CDK14: variants seen among roughly 807,000 people sequenced by gnomAD.
CDK14 encodes the protein cyclin dependent kinase 14.
Under a neutral mutation model 60.7 loss-of-function variants are expected in CDK14, and 34 were observed. The ratio of observed to expected loss-of-function variants is 0.56; its 90% confidence interval spans 0.43 to 0.75. CDK14 has a LOEUF of 0.75. Ranked by LOEUF, CDK14 falls within the 30% of genes least tolerant of loss-of-function variation. The pLI is 0.00. For missense variants in CDK14, 482 were observed against 564.1 expected (o/e 0.85, Z 1.47); for synonymous variants, 197 against 203.7 (o/e 0.97, Z 0.28).
intron 14 of CDK14, among the ~76,000 whole-genome samples, chr7:91,148,601 G>A (rs1156442576): frequency 1.3e-5 from 2 of 152,148 alleles, no homozygotes; most frequent in African/African-American, 4.8e-5. Context: ...GTGAGCCATA[G>A]TGTCCACTCT....
intron 2 of CDK14, among the ~76,000 whole-genome samples, chr7:90,650,694 G>A (rs1451788149): frequency 1.3e-5 from 2 of 152,128 alleles, no homozygotes; most frequent in African/African-American, 2.4e-5. Context: ...AGTTTTCCCA[G>A]CACCATTTAT....
At chr7:90,762,216 G>A (rs1416961537) in intron 4 of CDK14, among the ~76,000 whole-genome samples, 2 of 152,170 alleles carry the variant, frequency 1.3e-5, no homozygotes, top group African/African-American at 4.8e-5. Context: ...AGGCCCTGAG[G>A]TGAGAAAGAG....
intron 12 of CDK14, among the ~76,000 whole-genome samples, chr7:91,091,067 T>A (rs567025193): frequency 2.5e-4 from 38 of 151,774 alleles, no homozygotes; most frequent in Middle Eastern, 3.4e-3. Context: ...TAGGTTTGTA[T>A]CATCCTTTTT....
intron 3 of CDK14, among the ~76,000 whole-genome samples, 159 bp from the exon 4 acceptor site, chr7:90,747,522 T>A (rs1803642501): frequency 6.6e-6 from 1 of 152,218 alleles, no homozygotes; most frequent in African/African-American, 2.4e-5. Flanking sequence ...TAGTTTTGTA[T>A]CCTGTTTATT....
intron 12 of CDK14, among the ~76,000 whole-genome samples, chr7:91,099,036 C>G (rs1194399772): frequency 2.6e-5 from 4 of 152,038 alleles, no homozygotes; most frequent in Admixed American, 1.3e-4. Context: ...TAATATTATA[C>G]AAAATTATGC....
chr7:91,068,665 C>T (rs1037437620), intron 11 of CDK14, among the ~76,000 whole-genome samples: 3 of 152,166 alleles, frequency 2.0e-5, no homozygotes, highest in African/African-American at 7.2e-5. Context: ...TGATCTCCTT[C>T]TCACTGCATT....
chr7:91,185,313 TTGGTCGA>T (rs1461814514), intron 14 of CDK14, among the ~76,000 whole-genome samples: 1 of 113,504 alleles, frequency 8.8e-6, no homozygotes, highest in Non-Finnish European at 2.2e-5. Context: ...CATGCCCTGC[TTGGTCGA>T]TAGCCCCTAT....
At chr7:90,872,018 T>TC (rs1204782051) in intron 6 of CDK14, among the ~76,000 whole-genome samples, 1 of 152,214 alleles carries the variant, frequency 6.6e-6, no homozygotes, top group Non-Finnish European at 1.5e-5. Flanking sequence ...TTCACTTTTT[T>TC]CCCTCCAACA....
chr7:91,094,774 C>A (rs1798932118), intron 12 of CDK14, among the ~76,000 whole-genome samples: 1 of 152,078 alleles, frequency 6.6e-6, no homozygotes, highest in African/African-American at 2.4e-5. Flanking sequence ...CACTTTAATG[C>A]AATATTTCAA....
chr7:90,756,816 T>C (rs1037217676), intron 4 of CDK14, among the ~76,000 whole-genome samples: 2 of 152,216 alleles, frequency 1.3e-5, no homozygotes, highest in African/African-American at 4.8e-5. Flanking sequence ...TTTTGCATCC[T>C]CCCCAGAAAC....
At chr7:91,117,613 ATATAT>A (rs1326090638) in intron 13 of CDK14, among the ~76,000 whole-genome samples, 1 of 151,992 alleles carries the variant, frequency 6.6e-6, no homozygotes, top group Admixed American at 6.6e-5. Flanking sequence ...CCACTATTTA[ATATAT>A]TATATCTGTT....
intron 6 of CDK14, among the ~76,000 whole-genome samples, chr7:90,892,819 C>T (rs1792177051): frequency 6.6e-6 from 1 of 152,184 alleles, no homozygotes; most frequent in South Asian, 2.1e-4. Flanking sequence ...CGCTCTGTCA[C>T]CCAGGCTGGG....
At chr7:91,148,672 C>T (rs922014187) in intron 14 of CDK14, among the ~76,000 whole-genome samples, 3 of 152,128 alleles carry the variant, frequency 2.0e-5, no homozygotes, top group Non-Finnish European at 2.9e-5. Flanking sequence ...GTCAGAGGAA[C>T]GAGGACCATG....
intron 2 of CDK14, among the ~76,000 whole-genome samples, chr7:90,695,513 A>G (rs1801637574): frequency 6.6e-6 from 1 of 152,186 alleles, no homozygotes; most frequent in Non-Finnish European, 1.5e-5. Context: ...ATTGAGCAAA[A>G]TAGACAAATC....
intron 1 of CDK14, 33 bp from the exon 2 acceptor site, chr7:90,604,185 A>G: frequency 1.4e-6 from 2 of 1,447,068 alleles, no homozygotes; most frequent in Non-Finnish European, 1.9e-6. Flanking sequence ...AATTTTTCAC[A>G]ATAACTGTTT....
chr7:90,771,772 C>T (rs949796984), intron 4 of CDK14, among the ~76,000 whole-genome samples: 4 of 152,188 alleles, frequency 2.6e-5, no homozygotes, highest in African/African-American at 4.8e-5. Context: ...CGAGAATGGA[C>T]ATTGTCACTC....
chr7:90,624,649 C>T (rs2116382855), intron 2 of CDK14, among the ~76,000 whole-genome samples: 1 of 152,268 alleles, frequency 6.6e-6, no homozygotes, highest in Admixed American at 6.5e-5. Context: ...CAAACTGGAG[C>T]AGAGGTTTGG....
At chr7:90,791,010 T>C (rs1259311919) in intron 5 of CDK14, among the ~76,000 whole-genome samples, 1 of 152,152 alleles carries the variant, frequency 6.6e-6, no homozygotes, top group Non-Finnish European at 1.5e-5. Flanking sequence ...TCTTTAAAAA[T>C]GGGGATTTGT....
chr7:90,833,920 T>A (rs550207915), intron 5 of CDK14, among the ~76,000 whole-genome samples: 68 of 152,328 alleles, frequency 4.5e-4, no homozygotes, highest in African/African-American at 1.4e-3. Context: ...CCTGTAAGAA[T>A]GTAAACTTTG....
Sources: gnomAD v4.1 joint callset for allele counts (sites outside exome capture counted in the v4.1 genomes callset) on GRCh38, gnomAD v4.1.1 for gene constraint, MANE v1.5 for transcripts, NCBI Gene and HGNC (gene_info 2026-07-23, HGNC 2026-07-21) for gene names.